Variants in SUMF1 observed in about 807,000 individuals in gnomAD.
SUMF1 encodes formylglycine-generating enzyme.
SUMF1 carries 48 observed loss-of-function variants against 47.6 expected under a neutral mutation model. The ratio of observed to expected loss-of-function variants is 1.01; its 90% CI spans 0.80 to 1.28. SUMF1 has a LOEUF of 1.28. Among genes scored for constraint, SUMF1 ranks in the 50% most tolerant of loss-of-function variants. The probability of loss-of-function intolerance (pLI) is 0.00; values close to 1 mark genes in which losing one functional copy is unlikely to be tolerated. For synonymous variants in SUMF1, 230 were observed against 192.1 expected, an observed-to-expected ratio of 1.20 and a Z score of -1.63; for missense variants, 571 against 485.4, an observed-to-expected ratio of 1.18 and a Z score of -1.66.
At chr3:4,055,841 G>A (rs571623958) in intron 9 of SUMF1, among the ~76,000 whole-genome samples, 4 of 152,250 alleles carry the variant, frequency 2.6e-5, no homozygotes, top group African/African-American at 2.4e-5. Context: ...TATAATCAAG[G>A]TGTTGGCAAG....
chr3:4,095,767 C>T (rs1165156660), intron 8 of SUMF1, among the ~76,000 whole-genome samples: 1 of 152,006 alleles, frequency 6.6e-6, no homozygotes, highest in Non-Finnish European at 1.5e-5. Flanking sequence ...AAAGCTGGTC[C>T]CAGTGACCTC....
intron 8 of SUMF1, among the ~76,000 whole-genome samples, chr3:4,213,253 A>T (rs1454656905): frequency 6.6e-6 from 1 of 152,198 alleles, no homozygotes; most frequent in Admixed American, 6.5e-5. Context: ...GTGGGGGCCA[A>T]TATTCAACAT....
rs190456482 is a variant in SUMF1, at chr3:4,087,909, A to C, written c.1015-19164T>G. Among the ~76,000 whole-genome samples the C allele has an allele frequency of 1.8e-4, 28 of 152,136 alleles. No homozygotes were observed. In the East Asian group the frequency reaches 5.4e-3, roughly 29 times the overall value. ...CATTCCCAGCAATTACTGATATTTTATTTTTGTTAACAGCCTGAAAAAGTT... is the reference window on the plus strand; with the variant it reads ...CATTCCCAGCAATTACTGATATTTTCTTTTTGTTAACAGCCTGAAAAAGTT... On this transcript the variant is annotated intron_variant and NMD_transcript_variant, in intron 8 of 12. Transcript: ENST00000448413.
At chr3:4,310,158 G>C (rs1175720413) in intron 8 of SUMF1, among the ~76,000 whole-genome samples, 4 of 152,180 alleles carry the variant, frequency 2.6e-5, no homozygotes. Context: ...ATGCATATAT[G>C]TGGTCTGACC....
At chr3:4,076,432 G>A (rs151070078) in intron 8 of SUMF1, among the ~76,000 whole-genome samples, 1 of 152,180 alleles carries the variant, frequency 6.6e-6, no homozygotes, top group East Asian at 1.9e-4. Flanking sequence ...ACATAGGCAT[G>A]GGCAAAGACT....
At chr3:4,415,788 G>A (rs1049186696) in intron 6 of SUMF1, among the ~76,000 whole-genome samples, 2 of 152,150 alleles carry the variant, frequency 1.3e-5, no homozygotes, top group African/African-American at 4.8e-5. Context: ...ACTACAGCCT[G>A]AGTGACAGAG....
chr3:4,339,151 G>A (rs1480955014), intron 8 of SUMF1, among the ~76,000 whole-genome samples: 1 of 151,972 alleles, frequency 6.6e-6, no homozygotes, highest in Non-Finnish European at 1.5e-5. Flanking sequence ...GTTCCTAATG[G>A]GCCTTAGGCT....
intron 8 of SUMF1, chr3:4,303,430 G>T: frequency 6.4e-7 from 1 of 1,555,326 alleles, no homozygotes; most frequent in Non-Finnish European, 8.7e-7. Context: ...TTAAGGAGAA[G>T]CCTGAGGCCC....
chr3:4,057,051 C>A (rs1416885714), intron 9 of SUMF1, among the ~76,000 whole-genome samples: 1 of 152,082 alleles, frequency 6.6e-6, no homozygotes, highest in Non-Finnish European at 1.5e-5. Flanking sequence ...CGGCCGTGAT[C>A]CATAATTTTT....
intron 8 of SUMF1, among the ~76,000 whole-genome samples, chr3:4,369,657 C>T (rs1045372880): frequency 2.0e-5 from 3 of 152,170 alleles, no homozygotes; most frequent in Non-Finnish European, 4.4e-5. Flanking sequence ...CAGTGGTCCT[C>T]GGACCTCAGC....
At chr3:4,049,032 T>C (rs994645118) in intron 9 of SUMF1, among the ~76,000 whole-genome samples, 3 of 152,148 alleles carry the variant, frequency 2.0e-5, no homozygotes, top group African/African-American at 7.2e-5. Context: ...CTAACAGATA[T>C]AGATTTGAAA....
chr3:4,362,309 CT>C, intron 8 of SUMF1, 55 bp from the exon 9 acceptor site: 1 of 1,477,140 alleles, frequency 6.8e-7, no homozygotes, highest in Non-Finnish European at 9.5e-7. Flanking sequence ...GCTGAAGGCT[CT>C]AACCCATCAG....
chr3:4,458,463 G>C (rs2079723384), intron 1 of SUMF1, among the ~76,000 whole-genome samples: 1 of 152,114 alleles, frequency 6.6e-6, no homozygotes, highest in Admixed American at 6.5e-5. Flanking sequence ...CAATAGCTAA[G>C]ATACAGAAGC....
intron 8 of SUMF1, among the ~76,000 whole-genome samples, chr3:4,108,222 G>A (rs1693202475): frequency 6.6e-6 from 1 of 152,140 alleles, no homozygotes; most frequent in Non-Finnish European, 1.5e-5. Flanking sequence ...CAGTTTCCAT[G>A]TAGTTGAGCA....
chr3:4,263,860 C>T (rs1697135844), intron 8 of SUMF1, among the ~76,000 whole-genome samples: 1 of 152,148 alleles, frequency 6.6e-6, no homozygotes, highest in Admixed American at 6.6e-5. Context: ...CTCTTTCCTA[C>T]CCTGACGATT....
At chr3:4,456,616 TAATA>T (rs1055720307) in intron 1 of SUMF1, among the ~76,000 whole-genome samples, 33 of 128,980 alleles carry the variant, frequency 2.6e-4, no homozygotes, top group Non-Finnish European at 5.3e-4. Flanking sequence ...CACACCAGGC[TAATA>T]TATATATATA....
intron 8 of SUMF1, among the ~76,000 whole-genome samples, chr3:4,079,527 G>A (rs766773041): frequency 2.6e-5 from 4 of 151,724 alleles, no homozygotes; most frequent in Non-Finnish European, 5.9e-5. Context: ...AGATTTCCTA[G>A]GATCAAAGTC....
At chr3:4,058,389 TA>T (rs1695225199) in intron 9 of SUMF1, among the ~76,000 whole-genome samples, 1 of 152,038 alleles carries the variant, frequency 6.6e-6, no homozygotes, top group Non-Finnish European at 1.5e-5. Flanking sequence ...TCGAATGCAG[TA>T]ATATTCAGGG....
chr3:4,205,470 G>A (rs529697864), intron 8 of SUMF1, among the ~76,000 whole-genome samples: 1 of 152,286 alleles, frequency 6.6e-6, no homozygotes, highest in South Asian at 2.1e-4. Context: ...TGGTCTTGGT[G>A]CTTGCAGATA....
Sources: gnomAD v4.1 joint callset for allele counts (sites outside exome capture counted in the v4.1 genomes callset) on GRCh38, gnomAD v4.1.1 for gene constraint, MANE v1.5 for transcripts, NCBI Gene and HGNC (gene_info 2026-07-23, HGNC 2026-07-21) for gene names.